DTNBP1: variants seen among roughly 807,000 people sequenced by gnomAD.
DTNBP1 encodes the protein dystrobrevin binding protein 1.
A neutral mutation model predicts 42.8 loss-of-function variants in DTNBP1; 35 were observed. The ratio of observed to expected loss-of-function variants is 0.82; its 90% confidence interval spans 0.63 to 1.09. The LOEUF (loss-of-function observed/expected upper bound fraction) is 1.09, where lower values mean the gene tolerates loss of function less well. Ranked by LOEUF, DTNBP1 falls within the 50% of genes least tolerant of loss-of-function variation. DTNBP1 has a pLI of 0.00. For synonymous variants in DTNBP1, 171 were observed against 162.2 expected, an observed-to-expected ratio of 1.05 and a Z score of -0.41; for missense variants, 457 against 424.2, an observed-to-expected ratio of 1.08 and a Z score of -0.68.
intron 1 of DTNBP1, chr6:15,660,446 G>A (rs1562020110): frequency 3.9e-6 from 5 of 1,289,702 alleles, no homozygotes; most frequent in Admixed American, 2.3e-5. Flanking sequence ...ATCACTTGGA[G>A]ATGAGTTGTT....
At chr6:15,561,199 G>C (rs1001703656) in intron 7 of DTNBP1, among the ~76,000 whole-genome samples, 6 of 152,136 alleles carry the variant, frequency 3.9e-5, no homozygotes, top group Non-Finnish European at 5.9e-5. Flanking sequence ...AAGAGGGATA[G>C]GTAATGTAAA....
chr6:15,602,800 A>G (rs549183608), intron 6 of DTNBP1, among the ~76,000 whole-genome samples: 8 of 152,306 alleles, frequency 5.3e-5, no homozygotes, highest in Admixed American at 5.2e-4. Context: ...TCTCCACCTC[A>G]AAGATACACT....
intron 8 of DTNBP1, among the ~76,000 whole-genome samples, chr6:15,528,486 A>G (rs1177860591): frequency 6.6e-6 from 1 of 152,248 alleles, no homozygotes; most frequent in Non-Finnish European, 1.5e-5. Context: ...ATGACTAAGT[A>G]GACTACAGTA....
intron 3 of DTNBP1, among the ~76,000 whole-genome samples, chr6:15,648,072 A>G (rs971182658): frequency 3.9e-5 from 6 of 152,010 alleles, no homozygotes; most frequent in African/African-American, 1.4e-4. Flanking sequence ...TCCAAGAGGG[A>G]TTTATTCCTG....
chr6:15,578,311 G>C (rs780088593), intron 7 of DTNBP1, among the ~76,000 whole-genome samples: 6 of 152,192 alleles, frequency 3.9e-5, no homozygotes, highest in Non-Finnish European at 5.9e-5. Context: ...GATCAGGGAG[G>C]GGATGTCCCA....
At chr6:15,600,258 T>C (rs1438938196) in intron 6 of DTNBP1, among the ~76,000 whole-genome samples, 2 of 152,106 alleles carry the variant, frequency 1.3e-5, no homozygotes, top group Non-Finnish European at 1.5e-5. Context: ...TGAGGAGACT[T>C]TGAAGTCAGG....
intron 7 of DTNBP1, among the ~76,000 whole-genome samples, chr6:15,573,229 T>A (rs1282671685): frequency 2.0e-5 from 3 of 152,228 alleles, no homozygotes; most frequent in Admixed American, 6.5e-5. Context: ...ATTAGTTTAC[T>A]GAAGTAGACA....
In DTNBP1 at chr6:15,635,896, T is replaced by G. The variant is rs182795245; in HGVS notation, c.222+1848A>C. 6.4e-4 allele frequency among the ~76,000 whole-genome samples: 97 copies of G among 152,356 alleles called. 1 individual carries two copies. Among genetic ancestry groups the G allele is most frequent in the Middle Eastern group, 3.4e-3 (1 of 294 alleles). ...CTCACGTTTAAGTCCATCTTTTATCTCTTGAAAGATTTTATATATAACTAT... is the reference window on the plus strand; with the variant it reads ...CTCACGTTTAAGTCCATCTTTTATCGCTTGAAAGATTTTATATATAACTAT... On this transcript the variant is annotated intron_variant, in intron 4 of 9. Coordinates refer to ENST00000344537, the MANE Select transcript of DTNBP1 (RefSeq NM_032122.5).
At chr6:15,524,386 G>A in intron 9 of DTNBP1, 140 bp downstream of exon 9, 1 of 1,614,052 alleles carries the variant, frequency 6.2e-7, no homozygotes, top group Non-Finnish European at 8.5e-7. Context: ...GTGGAACCGT[G>A]GGGTTAGGGA....
intron 1 of DTNBP1, 83 bp downstream of exon 1, chr6:15,662,731 G>A (rs1761722570): frequency 3.8e-6 from 6 of 1,575,152 alleles, no homozygotes; most frequent in South Asian, 1.1e-5. Context: ...GGACCGTGGC[G>A]CGGGGAAGGG....
At chr6:15,524,284 A>C in intron 9 of DTNBP1, 1 of 1,609,170 alleles carries the variant, frequency 6.2e-7, no homozygotes. Flanking sequence ...GAAAGCTCTC[A>C]ACTCACCAAA....
chr6:15,581,731 G>A (rs1403043900), intron 7 of DTNBP1, among the ~76,000 whole-genome samples: 2 of 152,044 alleles, frequency 1.3e-5, no homozygotes, highest in Non-Finnish European at 2.9e-5. Context: ...ACCTGCCTTG[G>A]CCCCCCAAAA....
chr6:15,615,885 A>G (rs1438837005), intron 5 of DTNBP1, among the ~76,000 whole-genome samples: 1 of 152,260 alleles, frequency 6.6e-6, no homozygotes, highest in Non-Finnish European at 1.5e-5. Flanking sequence ...TTCAAGGCAC[A>G]GTAGATATGC....
chr6:15,651,198 C>T, intron 3 of DTNBP1, 115 bp downstream of exon 3: 1 of 920,912 alleles, frequency 1.1e-6, no homozygotes, highest in East Asian at 2.4e-5. Context: ...TTTCCAATCA[C>T]TGCATTAAGA....
At chr6:15,617,606 C>T (rs968989216) in intron 5 of DTNBP1, among the ~76,000 whole-genome samples, 1 of 151,710 alleles carries the variant, frequency 6.6e-6, no homozygotes, top group African/African-American at 2.4e-5. Context: ...ACAAAGGCAC[C>T]GAGAACATTC....
At chr6:15,601,932 A>G (rs145962622) in intron 6 of DTNBP1, among the ~76,000 whole-genome samples, 3 of 151,942 alleles carry the variant, frequency 2.0e-5, no homozygotes, top group East Asian at 3.9e-4. Context: ...AAATGTTGCT[A>G]TCTTTGGGGG....
At chr6:15,618,259 G>C (rs898314896) in intron 5 of DTNBP1, among the ~76,000 whole-genome samples, 2 of 152,078 alleles carry the variant, frequency 1.3e-5, no homozygotes, top group Non-Finnish European at 2.9e-5. Context: ...ATGGAAAAAT[G>C]TTCAACATCA....
At chr6:15,642,290 G>T (rs916648479) in intron 3 of DTNBP1, among the ~76,000 whole-genome samples, 1 of 152,180 alleles carries the variant, frequency 6.6e-6, no homozygotes, top group Non-Finnish European at 1.5e-5. Context: ...AAATCTTTAT[G>T]AAATGAAGGT....
intron 7 of DTNBP1, among the ~76,000 whole-genome samples, chr6:15,563,276 A>G (rs929291545): frequency 2.0e-5 from 3 of 152,252 alleles, no homozygotes; most frequent in Non-Finnish European, 4.4e-5. Flanking sequence ...TGAAGAAAAC[A>G]GGAGAAAATC....
Sources: gnomAD v4.1 joint callset for allele counts (sites outside exome capture counted in the v4.1 genomes callset) on GRCh38, gnomAD v4.1.1 for gene constraint, MANE v1.5 for transcripts, NCBI Gene and HGNC (gene_info 2026-07-23, HGNC 2026-07-21) for gene names.